Variants in PLAGL1 observed in about 807,000 individuals in gnomAD.
PLAGL1 encodes the protein PLAG1 like zinc finger 1, also known as zinc finger protein PLAGL1.
Under a neutral mutation model 4.6 loss-of-function variants are expected in PLAGL1, and 1 was observed. The observed-to-expected ratio is 0.22, with a 90% CI of 0.08 to 1.03. The LOEUF (loss-of-function observed/expected upper bound fraction) is 1.03. Among genes scored for constraint, PLAGL1 ranks in the 50% least tolerant of loss-of-function variants. The pLI is 0.58. For synonymous variants in PLAGL1, 240 were observed against 237.8 expected (o/e 1.01, Z -0.08); for missense variants, 464 against 570.4 (o/e 0.81, Z 1.90).
intron 1 of PLAGL1, among the ~76,000 whole-genome samples, chr6:144,057,874 A>G (rs1799100774): frequency 6.6e-6 from 1 of 151,574 alleles, no homozygotes; most frequent in African/African-American, 2.4e-5. Flanking sequence ...GTCTGAAGGA[A>G]CTTATTATTA....
intron 1 of PLAGL1, among the ~76,000 whole-genome samples, chr6:144,017,531 A>AC (rs1283839845): frequency 1.3e-5 from 2 of 152,216 alleles, no homozygotes; most frequent in Non-Finnish European, 2.9e-5. Context: ...GTCCTACTTT[A>AC]CGTGATAAAG....
At chr6:143,993,423 A>C (rs1790969294) in intron 1 of PLAGL1, among the ~76,000 whole-genome samples, 1 of 151,554 alleles carries the variant, frequency 6.6e-6, no homozygotes, top group African/African-American at 2.4e-5. Flanking sequence ...TATTTCAAGA[A>C]AGAGCTGAGC....
chr6:144,029,969 T>C (rs1374288029), intron 1 of PLAGL1, among the ~76,000 whole-genome samples: 1 of 152,028 alleles, frequency 6.6e-6, no homozygotes, highest in Non-Finnish European at 1.5e-5. Context: ...AGACATAAAT[T>C]TTGACTGGGC....
chr6:144,013,133 T>G (rs1201332308), upstream of PLAGL1, among the ~76,000 whole-genome samples: 1 of 152,184 alleles, frequency 6.6e-6, no homozygotes, highest in Non-Finnish European at 1.5e-5. This position sits in a 1 kb window ranked among gnomAD's most constrained non-coding sequence, Gnocchi z 4.4. Context: ...TCTAAGTATT[T>G]GGAGATTCCA....
In PLAGL1 at chr6:143,997,392, T is replaced by A. The variant is rs9399469; in HGVS notation, c.-584+10698A>T. Among the ~76,000 whole-genome samples the A allele has an allele frequency of 0.55, 84,024 of 152,006 alleles. 23,507 individuals are homozygous for A. The highest frequency in any genetic ancestry group is 0.62 in the Non-Finnish European group (41,926 of 67,960). On this transcript the variant is annotated intron_variant, in intron 1 of 7. Transcript: ENST00000674357. This position sits in a 1 kb window ranked among gnomAD's most constrained non-coding sequence, Gnocchi z 4.6. ...ACTAGAACACACCCACATAGCTATT[T>A]ACAAAATGGATAAACAAATTGTGGT...
chr6:144,042,781 T>C (rs1005769022), intron 1 of PLAGL1, among the ~76,000 whole-genome samples: 6 of 152,172 alleles, frequency 3.9e-5, no homozygotes, highest in Non-Finnish European at 5.9e-5. Flanking sequence ...GCCATTTTCA[T>C]GATATTGATT....
rs993515671 is a variant in PLAGL1, at chr6:143,979,185, T to G, written c.-544+5950A>C. On this transcript the variant is annotated intron_variant, in intron 2 of 7. Coordinates refer to ENST00000674357, the MANE Select transcript of PLAGL1 (RefSeq NM_001317162.2). This position sits in a 1 kb window ranked among gnomAD's most constrained non-coding sequence, Gnocchi z 4.6. The stretch of plus-strand genomic sequence containing the variant: ...TTGTGTCTTTACACATGAAGTGCAT[T>G]TTTTTGTAGGCAGCATATAGTTAGT... 6.6e-6 allele frequency among the ~76,000 whole-genome samples: 1 copy of G among 152,176 alleles called. No individual in the cohort carries two copies. Among genetic ancestry groups the G allele is most frequent in the Non-Finnish European group, 1.5e-5 (1 of 67,994 alleles).
Position 144,059,548 on chromosome 6 carries a change from T to C in PLAGL1, c.-151+4920A>G, listed in dbSNP as rs996770672. Among the ~76,000 whole-genome samples, 6 of 152,196 alleles carry C rather than the reference T, an allele frequency of 3.9e-5. No homozygotes were observed. The highest frequency in any genetic ancestry group is 8.8e-5 in the Non-Finnish European group (6 of 68,042). ...CTCCCTTCTCAATAATAGGGAAGAATCACATATATTTTGATAAATACTACT... is the reference window on the plus strand; with the variant it reads ...CTCCCTTCTCAATAATAGGGAAGAACCACATATATTTTGATAAATACTACT... On this transcript the variant is annotated intron_variant, in intron 1 of 3. Transcript: ENST00000437412. This position sits in a 1 kb window ranked among gnomAD's most constrained non-coding sequence, Gnocchi z 4.9.
rs1030644640 is a variant in PLAGL1, at chr6:143,970,574, T to G, written c.-543-1596A>C. Among the ~76,000 whole-genome samples the G allele has an allele frequency of 1.3e-5, 2 of 152,168 alleles. No individual in the cohort carries two copies. Among genetic ancestry groups the G allele is most frequent in the African/African-American group, 4.8e-5 (2 of 41,430 alleles). On this transcript the variant is annotated intron_variant, in intron 2 of 7. Transcript: ENST00000674357. The surrounding 1 kb of genome is among the most constrained non-coding windows in gnomAD (Gnocchi z 5.8). The stretch of plus-strand genomic sequence containing the variant: ...TTGTTTTCAACGGCTAGATAAACGT[T>G]TATTAGGGCTGCTTTATTTGGTCAG...
In PLAGL1 at chr6:143,941,673, G is replaced by C. The variant is rs145386261; in HGVS notation, c.1143C>G (p.Ser381=). The change falls in exon 8 of 8, where the codon TCC becomes TCG. Residue 381 remains serine, a synonymous_variant. Coordinates refer to ENST00000674357, the MANE Select transcript of PLAGL1 (RefSeq NM_001317162.2). The surrounding 1 kb of genome is among the most constrained non-coding windows in gnomAD (Gnocchi z 6.0). The part of the protein sequence containing the change: ...NLTIPASLDL[S]PLLGFWQLPP... Reference sequence around the variant, plus strand: ...GCAGCTGCCAGAAGCCCAACAGGGGGGACAGGTCCAGAGAGGCAGGTATTG... The same window carrying C: ...GCAGCTGCCAGAAGCCCAACAGGGGCGACAGGTCCAGAGAGGCAGGTATTG... 7 of 1,614,232 alleles carry C rather than the reference G, an allele frequency of 4.3e-6. No homozygotes were observed. In the African/African-American group the frequency reaches 8.0e-5, roughly 18 times the overall value.
At chr6:144,018,131 G>A (rs1326773413) in intron 1 of PLAGL1, among the ~76,000 whole-genome samples, 3 of 152,196 alleles carry the variant, frequency 2.0e-5, no homozygotes, top group Non-Finnish European at 4.4e-5. Context: ...ATCAATGGAT[G>A]CTAAAACTAC....
chr6:143,991,074 A>AGAT (rs1216426825), intron 1 of PLAGL1, among the ~76,000 whole-genome samples: 1 of 152,196 alleles, frequency 6.6e-6, no homozygotes, highest in Non-Finnish European at 1.5e-5. Context: ...TGTTTCCATT[A>AGAT]GATGATGGCA....
At chr6:143,999,155 AT>A (rs1467338400) in intron 1 of PLAGL1, among the ~76,000 whole-genome samples, 2 of 152,024 alleles carry the variant, frequency 1.3e-5, no homozygotes, top group African/African-American at 4.8e-5. Flanking sequence ...GAAAGTTCAA[AT>A]TTTTTTCCTG....
intron 1 of PLAGL1, among the ~76,000 whole-genome samples, chr6:144,058,805 C>T (rs1465598164): frequency 2.0e-5 from 3 of 152,158 alleles, no homozygotes; most frequent in Admixed American, 2.0e-4. Flanking sequence ...AAGGAGTAGA[C>T]CCCCAAGACC....
Position 143,945,401 on chromosome 6 carries a change from A to G in PLAGL1, c.152+2584T>C, listed in dbSNP as rs1779531577. Among the ~76,000 whole-genome samples the G allele has an allele frequency of 6.6e-6, 1 of 152,080 alleles. No homozygotes were observed. The highest frequency in any genetic ancestry group is 1.5e-5 in the Non-Finnish European group (1 of 68,026). On this transcript the variant is annotated intron_variant, in intron 7 of 7. Transcript: ENST00000674357. This position sits in a 1 kb window ranked among gnomAD's most constrained non-coding sequence, Gnocchi z 4.2. ...CCTGTTATTGTCTCTAACTGGTTTC[A>G]TTATATGCTGTACTGGGACCCACAT...
At position 144,015,299 on chromosome 6, in the gene PLAGL1, A is replaced by G. The variant is rs1307915740; in HGVS notation, c.-150-46321T>C. Among the ~76,000 whole-genome samples, 3 of 152,260 alleles carry G rather than the reference A, an allele frequency of 2.0e-5. No homozygotes were observed. The highest frequency in any genetic ancestry group is 4.1e-4 in the South Asian group (2 of 4,836). Reference sequence around the variant, plus strand: ...ATTTTTAAAACGTGGCTACTGGAACATTTTAAATTACCTATCTAGCTTACA... The same window carrying G: ...ATTTTTAAAACGTGGCTACTGGAACGTTTTAAATTACCTATCTAGCTTACA... On this transcript the variant is annotated intron_variant, in intron 1 of 3. Coordinates refer to the PLAGL1 transcript ENST00000437412. This position sits in a 1 kb window ranked among gnomAD's most constrained non-coding sequence, Gnocchi z 4.3.
intron 1 of PLAGL1, among the ~76,000 whole-genome samples, chr6:144,026,468 C>T (rs1199666578): frequency 1.3e-5 from 2 of 152,042 alleles, no homozygotes; most frequent in Non-Finnish European, 2.9e-5. Context: ...TAATTTATTC[C>T]ACCATATCTC....
Position 143,940,785 on chromosome 6 carries a change from A to C in PLAGL1, c.*639T>G, listed in dbSNP as rs1273286878. ...ACAACCAGTTTAGTCTTTCTTTAAG[A>C]TAAATGAAGTGATAACTCACATTGC... is the stretch of plus-strand genomic sequence containing the variant. On this transcript the variant is annotated 3_prime_UTR_variant, in exon 8 of 8. Transcript: ENST00000674357. The C allele has an allele frequency of 1.3e-5, 2 of 151,824 alleles. No homozygotes were observed. Among genetic ancestry groups the C allele is most frequent in the African/African-American group, 4.9e-5 (2 of 41,184 alleles). The allele number at this position is 151,824 out of a possible 1,614,324, so 9.4% of individuals were successfully genotyped here.
rs1798328848 is a variant in PLAGL1 at position 144,048,357 on chromosome 6, T to C, written c.-151+16111A>G. On this transcript the variant is annotated intron_variant, in intron 1 of 3. Transcript: ENST00000437412. This position sits in a 1 kb window ranked among gnomAD's most constrained non-coding sequence, Gnocchi z 4.8. ...GCAGTGCCCCAGTGGGGACTCTGTG[T>C]GGGGGCTCCAACCCCACATTTTCCT... is the stretch of plus-strand genomic sequence containing the variant. Among the ~76,000 whole-genome samples the C allele has an allele frequency of 6.6e-6, 1 of 152,180 alleles. No individual in the cohort carries two copies. The highest frequency in any genetic ancestry group is 1.5e-5 in the Non-Finnish European group (1 of 68,032).
Sources: gnomAD v4.1 joint callset for allele counts (sites outside exome capture counted in the v4.1 genomes callset) on GRCh38, gnomAD v4.1.1 for gene constraint, Gnocchi (gnomAD v3.1) non-coding constraint, MANE v1.5 for transcripts, NCBI Gene and HGNC (gene_info 2026-07-23, HGNC 2026-07-21) for gene names.